The following C10orf67 variants were observed in gnomAD, a reference collection of about 807,000 sequenced individuals.
C10orf67 encodes uncharacterized protein C10orf67, mitochondrial.
C10orf67 carries 60 observed loss-of-function variants against 35.6 expected under a neutral mutation model. The observed-to-expected ratio is 1.68, with a 90% confidence interval of 1.37 to 2.09. C10orf67 has a LOEUF of 2.09. Ranked by LOEUF, C10orf67 falls within the 30% of genes most tolerant of loss-of-function variation. C10orf67 has a pLI of 0.00. For synonymous variants in C10orf67, 167 were observed against 115.8 expected (o/e 1.44, Z -2.84); for missense variants, 474 against 330.2 (o/e 1.44, Z -3.38).
intron 1 of C10orf67, among the ~76,000 whole-genome samples, chr10:23,339,402 CAAAAAAAAAAAA>C (rs34805547): frequency 5.5e-5 from 4 of 72,326 alleles, no homozygotes; most frequent in South Asian, 6.3e-4. Flanking sequence ...AAAAAGGCAG[CAAAAAAAAAAAA>C]AAAAAAAAAA....
intron 5 of C10orf67, among the ~76,000 whole-genome samples, chr10:23,297,224 C>A (rs955676386): frequency 8.9e-5 from 10 of 111,938 alleles, no homozygotes; most frequent in African/African-American, 2.7e-4. Context: ...TGGTTCCTTT[C>A]TATTTCCCTT....
intron 4 of C10orf67, among the ~76,000 whole-genome samples, chr10:23,314,794 A>T (rs2132317046): frequency 6.6e-6 from 1 of 152,324 alleles, no homozygotes; most frequent in East Asian, 1.9e-4. Context: ...AGCCTCTCAC[A>T]TAGCCAACAG....
intron 12 of C10orf67, among the ~76,000 whole-genome samples, chr10:23,248,690 T>C (rs924472495): frequency 1.3e-5 from 2 of 152,194 alleles, no homozygotes; most frequent in African/African-American, 4.8e-5. Context: ...CACGATGAAG[T>C]ACTCTGTACA....
At chr10:23,321,853 C>T (rs1425879363) in intron 3 of C10orf67, among the ~76,000 whole-genome samples, 1 of 151,818 alleles carries the variant, frequency 6.6e-6, no homozygotes, top group Admixed American at 6.6e-5. Flanking sequence ...GTGGTGTGAT[C>T]ATAGCTCACT....
chr10:23,253,652 G>C (rs904364607), intron 10 of C10orf67, among the ~76,000 whole-genome samples: 12 of 152,186 alleles, frequency 7.9e-5, no homozygotes, highest in Non-Finnish European at 1.3e-4. Flanking sequence ...ATCAGTGATT[G>C]AATGCTTATT....
chr10:23,271,275 T>G (rs896676427), intron 8 of C10orf67, among the ~76,000 whole-genome samples: 4 of 152,220 alleles, frequency 2.6e-5, no homozygotes, highest in Non-Finnish European at 4.4e-5. Flanking sequence ...TCAAAAAGCA[T>G]GCTCTTAGAG....
chr10:23,241,033 C>T (rs1294355502), intron 12 of C10orf67, among the ~76,000 whole-genome samples: 1 of 152,210 alleles, frequency 6.6e-6, no homozygotes, highest in Non-Finnish European at 1.5e-5. Context: ...AGATATTTGA[C>T]TCAGTAGTAG....
rs77327154 is a variant in C10orf67, at chr10:23,264,076, A to G, written c.1200+2186T>C. On this transcript the variant is annotated intron_variant, in intron 10 of 15. Coordinates refer to ENST00000636213, the MANE Select transcript of C10orf67 (RefSeq NM_001371909.1). ...ACAAAGTTCCTGTAACAAGCCCTCC[A>G]TGTGGTCATTTACACGTGGTAAACG... 3.0e-3 allele frequency among the ~76,000 whole-genome samples: 461 copies of G among 152,296 alleles called. 14 individuals are homozygous for G. The East Asian group carries it at 0.05, about 16-fold the overall frequency.
At chr10:23,296,383 A>G (rs1049820543) in intron 5 of C10orf67, among the ~76,000 whole-genome samples, 2 of 152,220 alleles carry the variant, frequency 1.3e-5, no homozygotes, top group Non-Finnish European at 2.9e-5. Flanking sequence ...CCTAATTAGC[A>G]TTTCAGTGAG....
chr10:23,213,923 G>GA (rs1338421606), intron 15 of C10orf67, among the ~76,000 whole-genome samples: 1 of 149,818 alleles, frequency 6.7e-6, no homozygotes, highest in African/African-American at 2.5e-5. Context: ...GAACTAAAAA[G>GA]AAAAAAGTTA....
chr10:23,304,895 C>A (rs978543773), intron 4 of C10orf67, among the ~76,000 whole-genome samples: 1 of 152,166 alleles, frequency 6.6e-6, no homozygotes, highest in Non-Finnish European at 1.5e-5. Context: ...TTTCCAGGGG[C>A]CAGACAGGAT....
In C10orf67 at chr10:23,233,116, T is replaced by C. The variant is rs147261692; in HGVS notation, c.1434+6613A>G. ...ATGTTACAGTGAGCTATGATCATGT[T>C]ACTGCACTCCAGTCTGGGTGACAGA... On this transcript the variant is annotated intron_variant, in intron 13 of 15. Coordinates refer to ENST00000636213, the MANE Select transcript of C10orf67 (RefSeq NM_001371909.1). 2.7e-3 allele frequency among the ~76,000 whole-genome samples: 411 copies of C among 152,290 alleles called. 3 individuals carry two copies. The highest frequency in any genetic ancestry group is 9.6e-3 in the African/African-American group (397 of 41,564).
At chr10:23,311,686 G>A (rs1040034809) in intron 4 of C10orf67, among the ~76,000 whole-genome samples, 9 of 148,868 alleles carry the variant, frequency 6.0e-5, no homozygotes, top group Admixed American at 2.0e-4. Context: ...ACTCCAGCCT[G>A]GGCAACAAGA....
chr10:23,277,409 C>T (rs1179399080), intron 8 of C10orf67, among the ~76,000 whole-genome samples: 3 of 151,820 alleles, frequency 2.0e-5, no homozygotes, highest in Non-Finnish European at 2.9e-5. Flanking sequence ...AAAAATTAGC[C>T]GGACATCTTG....
chr10:23,317,270 A>G (rs60845874), intron 4 of C10orf67: 29,307 of 152,442 alleles, frequency 0.19, 3,121 homozygotes, highest in Admixed American at 0.29. Flanking sequence ...CTTTGCTTCA[A>G]AATCAGAGTG....
intron 15 of C10orf67, among the ~76,000 whole-genome samples, chr10:23,222,555 G>A (rs1007552362): frequency 1.3e-5 from 2 of 151,990 alleles, no homozygotes; most frequent in Admixed American, 6.6e-5. Flanking sequence ...CCCATACTAC[G>A]TTCACTAATT....
chr10:23,265,601 C>T (rs1423169194), intron 10 of C10orf67, among the ~76,000 whole-genome samples: 1 of 152,178 alleles, frequency 6.6e-6, no homozygotes, highest in East Asian at 1.9e-4. Context: ...ATCTTTATAG[C>T]TAAGAGCAGA....
rs117882921 is a variant in C10orf67, at chr10:23,296,027, G to C, written c.703-4748C>G. Among the ~76,000 whole-genome samples the C allele has an allele frequency of 3.2e-3, 489 of 152,282 alleles. 14 individuals carry two copies. In the East Asian group the frequency reaches 0.049, roughly 15 times the overall value. The stretch of plus-strand genomic sequence containing the variant: ...ATTCATTATCTCTTATAACGTTGAA[G>C]TTTTAAATAAGAGTACTAGTGAGGG... On this transcript the variant is annotated intron_variant, in intron 5 of 15. Coordinates refer to ENST00000636213, the MANE Select transcript of C10orf67 (RefSeq NM_001371909.1).
intron 5 of C10orf67, among the ~76,000 whole-genome samples, chr10:23,292,315 T>C (rs2132262971): frequency 6.6e-6 from 1 of 152,006 alleles, no homozygotes; most frequent in African/African-American, 2.4e-5. Flanking sequence ...GTGCAGAACT[T>C]TATACTTTAT....
Sources: allele counts gnomAD v4.1 joint callset (sites outside exome capture counted in the v4.1 genomes callset), GRCh38; gene constraint gnomAD v4.1.1; transcripts MANE v1.5; gene names NCBI Gene and HGNC (gene_info 2026-07-23, HGNC 2026-07-21).